The following MINDY4 variants were observed in gnomAD, a reference collection of about 807,000 sequenced individuals.
The protein encoded by MINDY4 is MINDY lysine 48 deubiquitinase 4.
MINDY4 carries 68 observed loss-of-function variants against 87.0 expected under a neutral mutation model. The observed-to-expected ratio is 0.78, with a 90% confidence interval of 0.64 to 0.96. MINDY4 has a LOEUF of 0.96. MINDY4 is among the 40% of genes least tolerant of loss of function. The probability of loss-of-function intolerance (pLI) is 0.00; values close to 1 mark genes in which losing one functional copy is unlikely to be tolerated. For synonymous variants in MINDY4, 379 were observed against 363.2 expected (o/e 1.04, Z -0.50); for missense variants, 919 against 928.2 (o/e 0.99, Z 0.13).
intron 17 of MINDY4, among the ~76,000 whole-genome samples, chr7:30,889,664 C>T (rs1338203794): frequency 1.3e-5 from 2 of 152,204 alleles, no homozygotes; most frequent in Non-Finnish European, 2.9e-5. Context: ...CTGCTTGACA[C>T]ACAGAAGCCC....
chr7:30,809,574 A>G (rs1787921810), intron 5 of MINDY4, among the ~76,000 whole-genome samples: 1 of 152,106 alleles, frequency 6.6e-6, no homozygotes, highest in Admixed American at 6.6e-5. Flanking sequence ...CCATCTATAC[A>G]ATTCTAAGTT....
chr7:30,877,822 C>CT (rs60164229), intron 15 of MINDY4, among the ~76,000 whole-genome samples: 558 of 47,532 alleles, frequency 0.012, 182 homozygotes, highest in Non-Finnish European at 0.019. Flanking sequence ...CAGGGACATG[C>CT]TTTTTTTTTT....
At chr7:30,830,053 G>C (rs1197023581) in intron 6 of MINDY4, among the ~76,000 whole-genome samples, 1 of 152,114 alleles carries the variant, frequency 6.6e-6, no homozygotes, top group Admixed American at 6.5e-5. Flanking sequence ...GAAAGGAAAG[G>C]AAGGAGAAGT....
chr7:30,889,681 TA>T (rs1790739589), intron 17 of MINDY4, among the ~76,000 whole-genome samples: 1 of 152,160 alleles, frequency 6.6e-6, no homozygotes, highest in Admixed American at 6.5e-5. Flanking sequence ...GCCCAGTAAA[TA>T]GTCTGAAGCA....
At chr7:30,784,369 T>TCTTTCCTC (rs1787092866) in intron 3 of MINDY4, among the ~76,000 whole-genome samples, 3 of 152,304 alleles carry the variant, frequency 2.0e-5, no homozygotes, top group African/African-American at 7.2e-5. Flanking sequence ...GCACTTTCCT[T>TCTTTCCTC]CTTTCCTCCT....
intron 12 of MINDY4, among the ~76,000 whole-genome samples, chr7:30,853,767 A>G (rs1474853952): frequency 6.6e-6 from 1 of 152,170 alleles, no homozygotes; most frequent in Non-Finnish European, 1.5e-5. Context: ...CAGCTGTTAG[A>G]TGGAGGTCAC....
intron 6 of MINDY4, among the ~76,000 whole-genome samples, chr7:30,830,674 C>T (rs1788674683): frequency 6.6e-6 from 1 of 152,174 alleles, no homozygotes; most frequent in Non-Finnish European, 1.5e-5. Context: ...CCCATCAGTT[C>T]CCTCCTATGA....
intron 11 of MINDY4, 23 bp downstream of exon 11, chr7:30,852,302 C>A: frequency 6.2e-7 from 1 of 1,613,928 alleles, no homozygotes; most frequent in Non-Finnish European, 8.5e-7. Flanking sequence ...GGAAAATTAT[C>A]ACGCAAACTT....
intron 2 of MINDY4, chr7:30,779,853 A>G (rs979553954): frequency 6.6e-6 from 1 of 152,214 alleles, no homozygotes; most frequent in Non-Finnish European, 1.5e-5. Context: ...GACCAAGGCT[A>G]TTTTTTAAGA....
chr7:30,854,274 A>G (rs1437029273), intron 12 of MINDY4, among the ~76,000 whole-genome samples: 2 of 152,220 alleles, frequency 1.3e-5, no homozygotes, highest in South Asian at 2.1e-4. Flanking sequence ...TCAGAAGAAC[A>G]GTGCCTGCCT....
intron 1 of MINDY4, among the ~76,000 whole-genome samples, chr7:30,776,985 C>CTTTTCTTTTCTTTT (rs3076403): frequency 1.0e-4 from 4 of 39,142 alleles, no homozygotes; most frequent in Admixed American, 5.3e-4. Flanking sequence ...TCTTTTCTTT[C>CTTTTCTTTTCTTTT]CTTTTCTTCT....
chr7:30,791,634 G>A, intron 5 of MINDY4, 60 bp downstream of exon 5: 1 of 1,519,092 alleles, frequency 6.6e-7, no homozygotes, highest in Non-Finnish European at 8.9e-7. Flanking sequence ...CTCACATGTT[G>A]TCTAGTCCCT....
intron 9 of MINDY4, among the ~76,000 whole-genome samples, 160 bp from the exon 10 acceptor site, chr7:30,850,294 G>A (rs1789369783): frequency 6.6e-6 from 1 of 152,210 alleles, no homozygotes; most frequent in Non-Finnish European, 1.5e-5. Flanking sequence ...CTCTTTCCTG[G>A]GCTTTGCCTT....
At position 30,892,206 on chromosome 7, in the gene MINDY4, C is replaced by T; in HGVS notation, c.*201C>T. 1 of 588,888 alleles carries T rather than the reference C, an allele frequency of 1.7e-6. No homozygotes were observed. Among genetic ancestry groups the T allele is most frequent in the Non-Finnish European group, 3.0e-6 (1 of 331,976 alleles). The allele number at this position is 588,888 out of a possible 1,614,324, so 36.5% of individuals were successfully genotyped here. A position where few individuals can be genotyped will look rare whatever the true frequency, so the allele number is the denominator to read the frequency against. Reference sequence around the variant, plus strand: ...TGGGGACCCAGTGTGTTGCTGGGTCCCCTCCCAGCTGAGCTGTGACTGCTG... The same window carrying T: ...TGGGGACCCAGTGTGTTGCTGGGTCTCCTCCCAGCTGAGCTGTGACTGCTG... On this transcript the variant is annotated 3_prime_UTR_variant, in exon 18 of 18. Coordinates refer to ENST00000265299, the MANE Select transcript of MINDY4 (RefSeq NM_032222.3).
At chr7:30,809,524 C>G (rs188837949) in intron 5 of MINDY4, among the ~76,000 whole-genome samples, 1 of 150,906 alleles carries the variant, frequency 6.6e-6, no homozygotes, top group African/African-American at 2.4e-5. Context: ...ACAGGACCAT[C>G]GATGGTTCCT....
At chr7:30,785,184 A>C (rs190407335) in intron 3 of MINDY4, among the ~76,000 whole-genome samples, 1 of 151,734 alleles carries the variant, frequency 6.6e-6, no homozygotes, top group East Asian at 1.9e-4. Context: ...TCAGAAGCAC[A>C]TGCCATCCAC....
At chr7:30,820,192 C>T (rs1472042133) in intron 5 of MINDY4, among the ~76,000 whole-genome samples, 3 of 152,018 alleles carry the variant, frequency 2.0e-5, no homozygotes, top group African/African-American at 2.4e-5. Context: ...TGAGCCACCG[C>T]GCCCGGCCAA....
chr7:30,882,958 C>T lies in MINDY4; in HGVS notation c.2190C>T (p.Asp730=). 6.2e-7 allele frequency: 1 copy of T among 1,614,042 alleles called. No homozygotes were observed. Among genetic ancestry groups the T allele is most frequent in the East Asian group, 2.2e-5 (1 of 44,774 alleles). ...CCATCTCTGAGGACACAGACAACGA[C>T]CTTGTCCCACCCCTCGAGCTCTGCA... ...TQTISEDTDN[D]LVPPLELCIR... Residue 730 remains aspartate (D), a synonymous_variant, in exon 17 of 18, where the codon GAC becomes GAT. Coordinates refer to ENST00000265299, the MANE Select transcript of MINDY4 (RefSeq NM_032222.3).
At position 30,820,032 on chromosome 7, in the gene MINDY4, G is replaced by T. The variant is rs369416134; in HGVS notation, c.1074-8647G>T. On this transcript the variant is annotated intron_variant, in intron 5 of 17. Transcript: ENST00000265299. The stretch of plus-strand genomic sequence containing the variant: ...TTCTCCTGCCTCAGCCTCCCAAGTA[G>T]CTGGGACTACAGGCGCCCGCCACTA... 7.4e-5 allele frequency among the ~76,000 whole-genome samples: 11 copies of T among 148,200 alleles called. No homozygotes were observed. The South Asian group carries it at 2.4e-3, about 32-fold the overall frequency.
Sources: gnomAD v4.1 joint callset for allele counts (sites outside exome capture counted in the v4.1 genomes callset) on GRCh38, gnomAD v4.1.1 for gene constraint, MANE v1.5 for transcripts, NCBI Gene and HGNC (gene_info 2026-07-23, HGNC 2026-07-21) for gene names.